The following RANBP2 variants were observed in gnomAD, a reference collection of about 807,000 sequenced individuals.
RANBP2 encodes RAN binding protein 2.
In RANBP2, 57 loss-of-function variants were observed where a neutral mutation model predicts 303.6. The observed-to-expected ratio is 0.19, with a 90% CI of 0.15 to 0.23. The LOEUF (loss-of-function observed/expected upper bound fraction) is 0.23, where lower values mean the gene tolerates loss of function less well. Among genes scored for constraint, RANBP2 ranks in the 10% least tolerant of loss-of-function variants. RANBP2 has a pLI of 1.00. For synonymous variants in RANBP2, 1,167 were observed against 1,301.5 expected (o/e 0.90, Z 2.23); for missense variants, 3,138 against 3,780.8 (o/e 0.83, Z 4.46).
chr2:109,306,116 A>T, the RANBP2 span, among the ~76,000 whole-genome samples: 2 of 152,210 alleles, frequency 1.3e-5, no homozygotes, highest in Admixed American at 6.5e-5. Context: ...AAGTTGTTTC[A>T]TTCAACATCA....
At chr2:108,817,872 A>G in the RANBP2 span, among the ~76,000 whole-genome samples, 1 of 152,194 alleles carries the variant, frequency 6.6e-6, no homozygotes, top group African/African-American at 2.4e-5. Flanking sequence ...CAGCAATAGG[A>G]CACAAATACA....
the RANBP2 span, among the ~76,000 whole-genome samples, chr2:109,145,862 C>T: frequency 3.3e-5 from 5 of 152,100 alleles, no homozygotes; most frequent in East Asian, 1.9e-4. Flanking sequence ...AGGACGGAGC[C>T]GCAGAGCTGG....
the RANBP2 span, among the ~76,000 whole-genome samples, chr2:109,717,878 C>T: frequency 6.6e-6 from 1 of 152,200 alleles, no homozygotes; most frequent in Non-Finnish European, 1.5e-5. Flanking sequence ...CACACCATTG[C>T]ACTCCAGCCT....
At chr2:109,038,668 C>A in the RANBP2 span, among the ~76,000 whole-genome samples, 1 of 152,072 alleles carries the variant, frequency 6.6e-6, no homozygotes, top group Non-Finnish European at 1.5e-5. Context: ...AAAGAACTTT[C>A]GAAATTCAAG....
the RANBP2 span, among the ~76,000 whole-genome samples, chr2:109,560,453 G>A: frequency 6.6e-6 from 1 of 152,008 alleles, no homozygotes; most frequent in African/African-American, 2.4e-5. Context: ...AAATACTAAA[G>A]GGACTCAAGG....
At chr2:109,536,788 C>T in the RANBP2 span, among the ~76,000 whole-genome samples, 2 of 152,136 alleles carry the variant, frequency 1.3e-5, no homozygotes, top group African/African-American at 4.8e-5. Flanking sequence ...GTAATTGAAT[C>T]ATGGGGACGT....
chr2:109,136,641 A>C, the RANBP2 span, among the ~76,000 whole-genome samples: 2 of 152,208 alleles, frequency 1.3e-5, no homozygotes, highest in African/African-American at 2.4e-5. Flanking sequence ...AAGGAGGCCC[A>C]AGAAGAGTCA....
At chr2:109,547,600 G>A in the RANBP2 span, among the ~76,000 whole-genome samples, 1 of 152,078 alleles carries the variant, frequency 6.6e-6, no homozygotes, top group Non-Finnish European at 1.5e-5. Flanking sequence ...CACCTTAGAT[G>A]TCAATTTTGG....
the RANBP2 span, among the ~76,000 whole-genome samples, chr2:109,410,822 C>G: frequency 6.7e-6 from 1 of 149,948 alleles, no homozygotes; most frequent in Non-Finnish European, 1.5e-5. Flanking sequence ...GGAGACAGGG[C>G]TGCACTTGGC....
chr2:109,593,068 A>G, the RANBP2 span: 1 of 1,599,604 alleles, frequency 6.3e-7, no homozygotes, highest in Non-Finnish European at 8.5e-7. Context: ...TCATCATCTG[A>G]TCCTTGTGAA....
the RANBP2 span, among the ~76,000 whole-genome samples, chr2:109,353,975 G>T: frequency 6.6e-6 from 1 of 152,162 alleles, no homozygotes; most frequent in Admixed American, 6.5e-5. Flanking sequence ...GCTCTGGAAA[G>T]TCAGAGCCCC....
At chr2:109,762,351 G>A in the RANBP2 span, among the ~76,000 whole-genome samples, 7 of 150,210 alleles carry the variant, frequency 4.7e-5, 1 homozygote, top group South Asian at 4.3e-4. Flanking sequence ...GGTTTCTGGC[G>A]CAAATTCAAT....
chr2:108,864,639 A>T, the RANBP2 span, among the ~76,000 whole-genome samples: 138,775 of 152,124 alleles, frequency 0.91, 63,372 homozygotes, highest in East Asian at 1. Flanking sequence ...CTACTAAAAA[A>T]ACAAAAAAGC....
the RANBP2 span, among the ~76,000 whole-genome samples, chr2:109,348,649 G>A: frequency 2.0e-5 from 3 of 152,200 alleles, no homozygotes; most frequent in Non-Finnish European, 2.9e-5. Context: ...GGTTCCAGGG[G>A]AAGTAGTTGG....
At chr2:109,512,861 G>C in the RANBP2 span, among the ~76,000 whole-genome samples, 1 of 152,190 alleles carries the variant, frequency 6.6e-6, no homozygotes, top group African/African-American at 2.4e-5. Flanking sequence ...GGGAGCAGCC[G>C]CCTGCTATTC....
At chr2:109,403,035 C>G in the RANBP2 span, among the ~76,000 whole-genome samples, 1 of 152,190 alleles carries the variant, frequency 6.6e-6, no homozygotes, top group Non-Finnish European at 1.5e-5. Context: ...AGCCCCTTAG[C>G]TGGCCGAATT....
At chr2:108,842,130 C>A in the RANBP2 span, among the ~76,000 whole-genome samples, 1 of 151,970 alleles carries the variant, frequency 6.6e-6, no homozygotes, top group East Asian at 1.9e-4. Context: ...TGGGCTCAAG[C>A]AATCCTTCTG....
the RANBP2 span, among the ~76,000 whole-genome samples, chr2:109,536,114 A>G: frequency 6.6e-6 from 1 of 152,040 alleles, no homozygotes; most frequent in African/African-American, 2.4e-5. Flanking sequence ...ATGTGGGGTC[A>G]GAGCCAAACA....
At chr2:108,808,085 T>C in the RANBP2 span, among the ~76,000 whole-genome samples, 1 of 152,206 alleles carries the variant, frequency 6.6e-6, no homozygotes, top group East Asian at 1.9e-4. Flanking sequence ...GTACTTGGCT[T>C]ATTTCACTTA....
Sources: gnomAD v4.1 joint callset for allele counts (sites outside exome capture counted in the v4.1 genomes callset) on GRCh38, gnomAD v4.1.1 for gene constraint, MANE v1.5 for transcripts, NCBI Gene and HGNC (gene_info 2026-07-23, HGNC 2026-07-21) for gene names.